Variants in CFAP57 observed in about 807,000 individuals in gnomAD.
CFAP57 encodes cilia and flagella associated protein 57, also known as cilia- and flagella-associated protein 57.
CFAP57 carries 116 observed loss-of-function variants against 146.8 expected under a neutral mutation model. The ratio of observed to expected loss-of-function variants is 0.79; its 90% CI spans 0.68 to 0.92. CFAP57 has a LOEUF of 0.92. CFAP57 is among the 40% of genes least tolerant of loss of function. The probability of loss-of-function intolerance (pLI) is 0.00; values close to 1 mark genes in which losing one functional copy is unlikely to be tolerated. For synonymous variants in CFAP57, 518 were observed against 552.8 expected (o/e 0.94, Z 0.88); for missense variants, 1,377 against 1,527.2 (o/e 0.90, Z 1.64).
intron 5 of CFAP57, 89 bp from the exon 6 acceptor site, chr1:43,186,618 A>AAAG: frequency 1.0e-6 from 1 of 991,306 alleles, no homozygotes; most frequent in South Asian, 2.0e-5. Flanking sequence ...CTCAAAAAAA[A>AAAG]AAAAAAAAAA....
rs562270391 is a variant in CFAP57, at chr1:43,209,946, G to C, written c.1929+30G>C. ...GCAGGGCCCTCTCCCCAGGAACCCA[G>C]TCCCACACCTGCCTGCTACGTGCCT... On this transcript the variant is annotated intron_variant, in intron 11 of 22. Coordinates refer to ENST00000372492, the MANE Select transcript of CFAP57 (RefSeq NM_001378189.1). The C allele has an allele frequency of 1.6e-4, 264 of 1,613,932 alleles. 5 individuals carry two copies. In the South Asian group the frequency reaches 2.8e-3, roughly 17 times the overall value.
At chr1:43,237,149 C>T (rs1192006494) in intron 21 of CFAP57, among the ~76,000 whole-genome samples, 1 of 152,110 alleles carries the variant, frequency 6.6e-6, no homozygotes, top group African/African-American at 2.4e-5. Flanking sequence ...TCTTCAGTTG[C>T]CATGGCCCTG....
At chr1:43,228,144 A>AG (rs1645326517) in intron 18 of CFAP57, among the ~76,000 whole-genome samples, 1 of 152,190 alleles carries the variant, frequency 6.6e-6, no homozygotes, top group South Asian at 2.1e-4. Flanking sequence ...AGTCCCAGTC[A>AG]GGCCCACAAG....
At chr1:43,251,358 G>T (rs1364736305) in intron 22 of CFAP57, among the ~76,000 whole-genome samples, 1 of 152,196 alleles carries the variant, frequency 6.6e-6, no homozygotes, top group Non-Finnish European at 1.5e-5. Flanking sequence ...AATATTACAT[G>T]GGTAAGAAAA....
intron 10 of CFAP57, among the ~76,000 whole-genome samples, chr1:43,208,362 G>A (rs1644445157): frequency 6.6e-6 from 1 of 152,168 alleles, no homozygotes; most frequent in Non-Finnish European, 1.5e-5. Context: ...TATGTTTATT[G>A]TGGCACTATT....
intron 21 of CFAP57, among the ~76,000 whole-genome samples, chr1:43,234,961 G>A (rs1240751820): frequency 6.6e-6 from 1 of 151,900 alleles, no homozygotes; most frequent in East Asian, 1.9e-4. Context: ...TGTGTCCCCT[G>A]CCTCACTCCT....
chr1:43,234,276 C>T lies in CFAP57; in HGVS notation c.3127-3C>T. On this transcript the variant is annotated splice_polypyrimidine_tract_variant and splice_region_variant and intron_variant, in intron 19 of 22. Transcript: ENST00000372492. ...CACCAGAAGGAAACGTCTCTGATTG[C>T]AGGAGCGAGACTTGGAAGCGCTGGT... The T allele has an allele frequency of 1.3e-6, 2 of 1,544,092 alleles. No individual in the cohort carries two copies. Among genetic ancestry groups the T allele is most frequent in the Admixed American group, 2.0e-5 (1 of 50,044 alleles).
At chr1:43,241,249 C>T (rs939117530) in intron 21 of CFAP57, among the ~76,000 whole-genome samples, 1 of 152,178 alleles carries the variant, frequency 6.6e-6, no homozygotes, top group African/African-American at 2.4e-5. Flanking sequence ...GACCCAAATA[C>T]CTCCCTCTAG....
chr1:43,204,803 G>A (rs1644288296), intron 9 of CFAP57, among the ~76,000 whole-genome samples: 1 of 152,160 alleles, frequency 6.6e-6, no homozygotes. Flanking sequence ...GCCAGAGACT[G>A]GTAGTTTGGA....
chr1:43,177,955 G>T (rs1468514072), intron 2 of CFAP57, among the ~76,000 whole-genome samples: 1 of 152,234 alleles, frequency 6.6e-6, no homozygotes, highest in African/African-American at 2.4e-5. Flanking sequence ...CCTGCATTTA[G>T]TGCTGGGGAA....
intron 18 of CFAP57, among the ~76,000 whole-genome samples, chr1:43,228,349 G>A (rs1645336750): frequency 6.6e-6 from 1 of 152,204 alleles, no homozygotes; most frequent in African/African-American, 2.4e-5. Flanking sequence ...GCATCTTTCA[G>A]GTCTCAGCCT....
At chr1:43,250,765 T>C (rs1646304906) in intron 22 of CFAP57, among the ~76,000 whole-genome samples, 1 of 152,140 alleles carries the variant, frequency 6.6e-6, no homozygotes, top group Admixed American at 6.5e-5. Context: ...CTGATCCCAC[T>C]GTCTGGTACC....
chr1:43,181,623 G>A lies in CFAP57; in HGVS notation c.247G>A (p.Ala83Thr). ...AISETVQEKP[A>T]ITIYELSSIP... ...CTCTGAGACTGTGCAAGAAAAACCT[G>A]CCATCACCATTTATGAATTGTCATC... Residue 83 changes from alanine (A) to threonine (T), a missense_variant, in exon 3 of 23, where the codon GCC (alanine) becomes ACC (threonine). Ala to Thr is a moderately conservative substitution (Grantham distance 58). Transcript: ENST00000372492. The A allele has an allele frequency of 1.2e-6, 2 of 1,614,200 alleles. No individual in the cohort carries two copies. The highest frequency in any genetic ancestry group is 1.7e-6 in the Non-Finnish European group (2 of 1,180,040).
intron 9 of CFAP57, among the ~76,000 whole-genome samples, chr1:43,204,857 T>C (rs974884301): frequency 6.6e-6 from 1 of 152,180 alleles, no homozygotes. Context: ...GCCTTGGGCA[T>C]GCACAGAGTC....
At chr1:43,185,896 C>T (rs188783479) in intron 5 of CFAP57, among the ~76,000 whole-genome samples, 7 of 149,874 alleles carry the variant, frequency 4.7e-5, no homozygotes, top group East Asian at 3.9e-4. Flanking sequence ...CCAGCCTGGT[C>T]GACAGATTGA....
chr1:43,220,544 G>A (rs1244433147), intron 13 of CFAP57, among the ~76,000 whole-genome samples: 1 of 152,184 alleles, frequency 6.6e-6, no homozygotes, highest in East Asian at 1.9e-4. Flanking sequence ...GGGCAACATA[G>A]TGAGACCCTG....
At position 43,186,870 on chromosome 1, in the gene CFAP57, C is replaced by T. The variant is rs552506650; in HGVS notation, c.1122+11C>T. 24 of 1,614,076 alleles carry T rather than the reference C, an allele frequency of 1.5e-5. No individual in the cohort carries two copies. Among genetic ancestry groups the T allele is most frequent in the Non-Finnish European group, 1.9e-5 (22 of 1,179,990 alleles). Reference sequence around the variant, plus strand: ...ACAGAGATCAGCAAGGTGAGTCTTTCCAGCAATGGTCCTTCCAGACCAGGA... The same window carrying T: ...ACAGAGATCAGCAAGGTGAGTCTTTTCAGCAATGGTCCTTCCAGACCAGGA... On this transcript the variant is annotated intron_variant, in intron 6 of 22. Coordinates refer to ENST00000372492, the MANE Select transcript of CFAP57 (RefSeq NM_001378189.1).
intron 12 of CFAP57, among the ~76,000 whole-genome samples, chr1:43,216,672 T>G (rs1225286220): frequency 6.6e-6 from 1 of 152,112 alleles, no homozygotes; most frequent in Non-Finnish European, 1.5e-5. Context: ...CACACTCTGT[T>G]CCCTGAAAAC....
At chr1:43,179,981 C>T (rs368148145) in intron 2 of CFAP57, among the ~76,000 whole-genome samples, 19 of 151,860 alleles carry the variant, frequency 1.3e-4, no homozygotes, top group East Asian at 9.7e-4. Flanking sequence ...CCGAGGTGGG[C>T]GGATCACCTG....
Sources: gnomAD v4.1 joint callset for allele counts (sites outside exome capture counted in the v4.1 genomes callset) on GRCh38, gnomAD v4.1.1 for gene constraint, MANE v1.5 for transcripts, NCBI Gene and HGNC (gene_info 2026-07-23, HGNC 2026-07-21) for gene names.